TTC1: variants seen among roughly 807,000 people sequenced by gnomAD.
TTC1 encodes the protein tetratricopeptide repeat protein 1.
Under a neutral mutation model 37.6 loss-of-function variants are expected in TTC1, and 31 were observed. The ratio of observed to expected loss-of-function variants is 0.82; its 90% CI spans 0.62 to 1.11. TTC1 has a LOEUF of 1.11. Among genes scored for constraint, TTC1 ranks in the 50% most tolerant of loss-of-function variants. The pLI is 0.00. For missense variants in TTC1, 351 were observed against 339.0 expected (o/e 1.04, Z -0.28); for synonymous variants, 127 against 122.4 (o/e 1.04, Z -0.25).
At chr5:160,050,531 A>C (rs1262082023) in intron 6 of TTC1, among the ~76,000 whole-genome samples, 1 of 152,120 alleles carries the variant, frequency 6.6e-6, no homozygotes, top group East Asian at 1.9e-4. Flanking sequence ...TATCCTTTCA[A>C]ACTTTTTTCT....
At chr5:160,043,100 G>A in intron 4 of TTC1, 33 bp from the exon 5 acceptor site, 2 of 1,609,096 alleles carry the variant, frequency 1.2e-6, no homozygotes, top group Middle Eastern at 1.7e-4. Flanking sequence ...ATAAAACTAG[G>A]GCAACACATA....
At chr5:160,053,290 T>A (rs910942698) in intron 7 of TTC1, among the ~76,000 whole-genome samples, 1 of 152,180 alleles carries the variant, frequency 6.6e-6, no homozygotes, top group East Asian at 1.9e-4. Flanking sequence ...CAGTTAAAAA[T>A]TTTTTAAATT....
At chr5:160,012,276 C>A (rs1175174200) in intron 2 of TTC1, among the ~76,000 whole-genome samples, 1 of 152,094 alleles carries the variant, frequency 6.6e-6, no homozygotes, top group Non-Finnish European at 1.5e-5. Flanking sequence ...CAAGGTGTCA[C>A]AAAGTCTGAT....
At chr5:160,043,748 A>C (rs1386311929) in intron 5 of TTC1, among the ~76,000 whole-genome samples, 1 of 152,258 alleles carries the variant, frequency 6.6e-6, no homozygotes, top group Non-Finnish European at 1.5e-5. Flanking sequence ...AAGGGGGACA[A>C]CTGTGATGAG....
rs148295633 is a variant in TTC1 at position 160,043,572 on chromosome 5, A to G, written c.541+403A>G. Among the ~76,000 whole-genome samples the G allele has an allele frequency of 1.8e-4, 27 of 152,326 alleles. No homozygotes were observed. The South Asian group carries it at 4.4e-3, about 25-fold the overall frequency. ...TATGCCACTTACTCCAGCCTGGGTA[A>G]CAGAGTGACCCTGTCTCCAAAAGAA... On this transcript the variant is annotated intron_variant, in intron 5 of 7. Transcript: ENST00000231238.
At chr5:160,041,940 T>G (rs1206546816) in intron 4 of TTC1, among the ~76,000 whole-genome samples, 1 of 152,182 alleles carries the variant, frequency 6.6e-6, no homozygotes, top group African/African-American at 2.4e-5. Context: ...ACTTTTTTTT[T>G]ATTTTCTGAG....
chr5:160,041,352 C>G (rs1319979402), intron 4 of TTC1, among the ~76,000 whole-genome samples: 2 of 149,478 alleles, frequency 1.3e-5, no homozygotes, highest in Non-Finnish European at 3.0e-5. Flanking sequence ...ACTCTGTTGC[C>G]TAGGCTGTAG....
At chr5:160,064,848 C>G in intron 7 of TTC1, 84 bp from the exon 8 acceptor site, 1 of 1,395,998 alleles carries the variant, frequency 7.2e-7, no homozygotes, top group Non-Finnish European at 9.8e-7. Context: ...ATATTTTGTA[C>G]TCAGTGGTAA....
intron 2 of TTC1, among the ~76,000 whole-genome samples, chr5:160,012,382 T>TA (rs1561623619): frequency 6.6e-6 from 1 of 151,728 alleles, no homozygotes; most frequent in African/African-American, 2.4e-5. Context: ...TTTTTTTTTT[T>TA]AAGACAGGAT....
intron 2 of TTC1, among the ~76,000 whole-genome samples, chr5:160,015,793 T>C (rs1414340478): frequency 6.6e-6 from 1 of 152,194 alleles, no homozygotes; most frequent in Non-Finnish European, 1.5e-5. Flanking sequence ...TCAGTCGGAA[T>C]CATAGGTCAC....
intron 5 of TTC1, among the ~76,000 whole-genome samples, chr5:160,046,821 G>T (rs962763077): frequency 5.3e-5 from 8 of 152,132 alleles, no homozygotes; most frequent in African/African-American, 1.9e-4. Context: ...AGACCAGCCT[G>T]ATCATTATGG....
chr5:160,059,610 ATTG>A (rs1447244868), intron 7 of TTC1, among the ~76,000 whole-genome samples: 1 of 152,196 alleles, frequency 6.6e-6, no homozygotes, highest in African/African-American at 2.4e-5. Flanking sequence ...TAATTTCAAT[ATTG>A]TTGTGGCTTA....
intron 5 of TTC1, among the ~76,000 whole-genome samples, chr5:160,046,879 G>T (rs545237313): frequency 7.0e-4 from 106 of 152,164 alleles, no homozygotes; most frequent in South Asian, 3.9e-3. Flanking sequence ...GGGCATGGCG[G>T]CACGTGCCTG....
At chr5:160,019,236 A>G (rs1165819320) in intron 2 of TTC1, among the ~76,000 whole-genome samples, 2 of 152,182 alleles carry the variant, frequency 1.3e-5, no homozygotes, top group African/African-American at 4.8e-5. Flanking sequence ...TTAAAACATT[A>G]GGCTCTGAAA....
chr5:160,033,375 A>C (rs1412736955), intron 2 of TTC1, among the ~76,000 whole-genome samples: 1 of 152,160 alleles, frequency 6.6e-6, no homozygotes, highest in African/African-American at 2.4e-5. Context: ...CTTACCTTTT[A>C]GTTTCCTCAC....
chr5:160,028,131 C>G (rs1047505530), intron 2 of TTC1, among the ~76,000 whole-genome samples: 6 of 152,038 alleles, frequency 3.9e-5, no homozygotes, highest in African/African-American at 9.7e-5. Flanking sequence ...AACTCTGTCT[C>G]TACTAAAAGT....
chr5:160,011,341 A>G (rs574801675), intron 2 of TTC1, among the ~76,000 whole-genome samples: 1 of 152,276 alleles, frequency 6.6e-6, no homozygotes, highest in South Asian at 2.1e-4. Context: ...GAGAAACAGA[A>G]TTGTGTATGA....
intron 4 of TTC1, among the ~76,000 whole-genome samples, chr5:160,037,557 A>C (rs1197639845): frequency 6.6e-6 from 1 of 152,150 alleles, no homozygotes; most frequent in Non-Finnish European, 1.5e-5. Context: ...CTCTACTAAA[A>C]ATACAAAAAT....
At chr5:160,037,568 T>A (rs1447681707) in intron 4 of TTC1, among the ~76,000 whole-genome samples, 1 of 152,048 alleles carries the variant, frequency 6.6e-6, no homozygotes, top group Non-Finnish European at 1.5e-5. Context: ...ATACAAAAAT[T>A]AGCCAGGCAT....
Sources: gnomAD v4.1 joint callset for allele counts (sites outside exome capture counted in the v4.1 genomes callset) on GRCh38, gnomAD v4.1.1 for gene constraint, MANE v1.5 for transcripts, NCBI Gene and HGNC (gene_info 2026-07-23, HGNC 2026-07-21) for gene names.